AMPH: variants seen among roughly 807,000 people sequenced by gnomAD.
AMPH encodes amphiphysin (Stiff-Mann syndrome with breast cancer 128kD autoantigen).
Under a neutral mutation model 99.1 loss-of-function variants are expected in AMPH, and 49 were observed. That is an observed-to-expected ratio of 0.49 (90% CI 0.39 to 0.63). The LOEUF (loss-of-function observed/expected upper bound fraction) is 0.63, where lower values mean the gene tolerates loss of function less well. AMPH is among the 20% of genes least tolerant of loss of function. AMPH has a pLI of 0.00. For missense variants in AMPH, 759 were observed against 863.4 expected, an observed-to-expected ratio of 0.88 and a Z score of 1.52; for synonymous variants, 314 against 317.3, an observed-to-expected ratio of 0.99 and a Z score of 0.11.
intron 2 of AMPH, among the ~76,000 whole-genome samples, chr7:38,528,618 CTTG>C (rs1790280416): frequency 6.6e-6 from 1 of 151,982 alleles, no homozygotes. Flanking sequence ...TGTCTTTTTT[CTTG>C]TTGTCAGTCC....
rs191222927 is a variant in AMPH, at chr7:38,440,562, A to G, written c.1018-4174T>C. Among the ~76,000 whole-genome samples, 44 of 151,994 alleles carry G rather than the reference A, an allele frequency of 2.9e-4. No individual in the cohort carries two copies. In the East Asian group the frequency reaches 8.1e-3, roughly 28 times the overall value. Reference sequence around the variant, plus strand: ...AAAAAGATAATTGGCTGCTTATACAAAAATAATAACAAAATAATGTGAAGT... The same window carrying G: ...AAAAAGATAATTGGCTGCTTATACAGAAATAATAACAAAATAATGTGAAGT... On this transcript the variant is annotated intron_variant, in intron 11 of 20. Coordinates refer to ENST00000356264, the MANE Select transcript of AMPH (RefSeq NM_001635.4).
At chr7:38,408,667 G>A (rs995939579) in intron 17 of AMPH, among the ~76,000 whole-genome samples, 3 of 150,220 alleles carry the variant, frequency 2.0e-5, no homozygotes, top group African/African-American at 7.4e-5. Flanking sequence ...CAGGGGAATG[G>A]TGTGAACTGG....
intron 11 of AMPH, among the ~76,000 whole-genome samples, chr7:38,437,637 A>AG (rs1356661459): frequency 4.3e-5 from 6 of 140,816 alleles, no homozygotes; most frequent in African/African-American, 1.1e-4. Flanking sequence ...AAAAAAAAAA[A>AG]AAAAAAGAAA....
intron 5 of AMPH, among the ~76,000 whole-genome samples, chr7:38,487,275 C>T (rs1046153026): frequency 2.0e-5 from 3 of 152,082 alleles, no homozygotes; most frequent in African/African-American, 7.2e-5. Flanking sequence ...TCAAACTATA[C>T]TACAAGGCTA....
At chr7:38,474,847 G>T (rs945036909) in intron 7 of AMPH, among the ~76,000 whole-genome samples, 6 of 152,176 alleles carry the variant, frequency 3.9e-5, no homozygotes, top group Non-Finnish European at 8.8e-5. Flanking sequence ...ATACAGTTCA[G>T]ATTTAAAAGT....
chr7:38,594,305 G>A (rs1792970580), intron 1 of AMPH, among the ~76,000 whole-genome samples: 1 of 152,204 alleles, frequency 6.6e-6, no homozygotes, highest in Non-Finnish European at 1.5e-5. Flanking sequence ...TGATCCCAGT[G>A]AATTCCAAGT....
At chr7:38,412,176 C>T (rs1304305152) in intron 17 of AMPH, among the ~76,000 whole-genome samples, 1 of 152,156 alleles carries the variant, frequency 6.6e-6, no homozygotes, top group Non-Finnish European at 1.5e-5. Flanking sequence ...CTGTACAACA[C>T]TGTGAATGTA....
chr7:38,605,075 A>G (rs1414281110), intron 1 of AMPH, among the ~76,000 whole-genome samples: 1 of 64,580 alleles, frequency 1.5e-5, no homozygotes, highest in Non-Finnish European at 3.1e-5. Flanking sequence ...TCTTCAGTGA[A>G]GTCTGAAGCC....
In AMPH at chr7:38,476,920, C is replaced by G; in HGVS notation, c.446G>C (p.Arg149Pro). 2 of 1,613,738 alleles carry G rather than the reference C, an allele frequency of 1.2e-6. No individual in the cohort carries two copies. Among genetic ancestry groups the G allele is most frequent in the Non-Finnish European group, 1.7e-6 (2 of 1,179,818 alleles). Residue 149 changes from arginine (R) to proline (P), a missense_variant, in exon 6 of 21, where the codon CGC (arginine) becomes CCC (proline). This residue lies in a region of AMPH where 205 missense variants were observed against 287.9 expected (regional missense o/e 0.71). Coordinates refer to ENST00000356264, the MANE Select transcript of AMPH (RefSeq NM_001635.4). ...SRKLVDYDSARHHLEALQSSK... is the reference protein window; with the variant it reads ...SRKLVDYDSAPHHLEALQSSK... ...GCTCTGCAGAGCTTCCAGATGGTGG[C>G]GGGCACTGTCATAGTCCACTAGCTT...
At chr7:38,519,521 T>A (rs972335421) in intron 2 of AMPH, among the ~76,000 whole-genome samples, 1 of 152,202 alleles carries the variant, frequency 6.6e-6, no homozygotes, top group Admixed American at 6.5e-5. Context: ...TTTAAAATTG[T>A]ACAAATTGAA....
chr7:38,521,757 G>T (rs1227643029), intron 2 of AMPH, among the ~76,000 whole-genome samples: 1 of 152,082 alleles, frequency 6.6e-6, no homozygotes, highest in African/African-American at 2.4e-5. Context: ...CATCCCCTCA[G>T]TCAGGAGTCT....
At chr7:38,517,803 G>C (rs1216523361) in intron 2 of AMPH, among the ~76,000 whole-genome samples, 2 of 152,196 alleles carry the variant, frequency 1.3e-5, no homozygotes, top group African/African-American at 2.4e-5. Flanking sequence ...ATGTCAGAGA[G>C]ACAATGCTAA....
intron 5 of AMPH, among the ~76,000 whole-genome samples, chr7:38,488,536 G>A (rs1234499096): frequency 6.6e-6 from 1 of 151,354 alleles, no homozygotes; most frequent in Non-Finnish European, 1.5e-5. Context: ...GGGGGGCTAG[G>A]GGAGGGATAG....
At chr7:38,465,585 T>G in intron 8 of AMPH, 36 bp from the exon 9 acceptor site, 2 of 1,540,646 alleles carry the variant, frequency 1.3e-6, no homozygotes, top group Non-Finnish European at 1.8e-6. Context: ...ATTAGTCACA[T>G]GTCATTCTGG....
At chr7:38,448,688 G>C (rs1281058816) in intron 11 of AMPH, among the ~76,000 whole-genome samples, 2 of 152,172 alleles carry the variant, frequency 1.3e-5, no homozygotes, top group Non-Finnish European at 2.9e-5. Flanking sequence ...CTGTGGATAA[G>C]GGGAGACTGC....
At chr7:38,471,569 A>G (rs1208433836) in intron 7 of AMPH, among the ~76,000 whole-genome samples, 2 of 152,206 alleles carry the variant, frequency 1.3e-5, no homozygotes, top group Non-Finnish European at 2.9e-5. Context: ...AGAGAAACAA[A>G]AAAGACATAA....
At chr7:38,535,903 A>T (rs1790581177) in intron 1 of AMPH, among the ~76,000 whole-genome samples, 2 of 152,124 alleles carry the variant, frequency 1.3e-5, no homozygotes, top group African/African-American at 2.4e-5. Context: ...AACTGGTACC[A>T]GTCTGAGGCC....
chr7:38,414,695 C>T (rs1785315253), intron 17 of AMPH, among the ~76,000 whole-genome samples: 2 of 151,482 alleles, frequency 1.3e-5, no homozygotes, highest in African/African-American at 4.8e-5. Flanking sequence ...GACAGAGTCT[C>T]ACTCTGTCGC....
chr7:38,422,311 C>A, intron 16 of AMPH, 110 bp downstream of exon 16: 1 of 892,040 alleles, frequency 1.1e-6, no homozygotes, highest in South Asian at 1.7e-5. Context: ...GTACAGGATC[C>A]AGAAACCACA....
Sources: allele counts gnomAD v4.1 joint callset (sites outside exome capture counted in the v4.1 genomes callset), GRCh38; gene constraint gnomAD v4.1.1; regional missense constraint gnomAD v4.1.1; transcripts MANE v1.5; gene names NCBI Gene and HGNC (gene_info 2026-07-23, HGNC 2026-07-21).